The following STARD13 variants were observed in gnomAD, a reference collection of about 807,000 sequenced individuals.
The protein encoded by STARD13 is StAR related lipid transfer domain containing 13, also known as stAR-related lipid transfer protein 13.
STARD13 carries 62 observed loss-of-function variants against 106.4 expected under a neutral mutation model. That is an observed-to-expected ratio of 0.58 (90% CI 0.48 to 0.72). STARD13 has a LOEUF of 0.72. STARD13 is among the 30% of genes least tolerant of loss of function. The probability of loss-of-function intolerance (pLI) is 0.00; values close to 1 mark genes in which losing one functional copy is unlikely to be tolerated. For missense variants in STARD13, 1,387 were observed against 1,424.0 expected, an observed-to-expected ratio of 0.97 and a Z score of 0.42; for synonymous variants, 565 against 553.0, an observed-to-expected ratio of 1.02 and a Z score of -0.31.
Position 33,110,815 on chromosome 13 carries a change from C to T in STARD13, c.2700G>A (p.Glu900=). ...AAGTGTGGAAAGTTGCCCCACTCTC[C>T]TCCAGCTGTGTCCCCAATTCTTCCA... ...PTLEELGTQL[E]ESGATFHTYL... The change falls in exon 11 of 14, where the codon GAG becomes GAA. Residue 900 remains glutamate (E), a synonymous_variant. Transcript: ENST00000336934. The T allele has an allele frequency of 1.2e-6, 2 of 1,614,220 alleles. No individual in the cohort carries two copies. Among genetic ancestry groups the T allele is most frequent in the Non-Finnish European group, 1.7e-6 (2 of 1,180,036 alleles).
At chr13:33,299,569 A>G (rs1201421222) in intron 1 of STARD13, among the ~76,000 whole-genome samples, 1 of 152,214 alleles carries the variant, frequency 6.6e-6, no homozygotes, top group Non-Finnish European at 1.5e-5. Flanking sequence ...AATTTGGCCC[A>G]TAATTTCTCA....
At chr13:33,652,873 C>G in the STARD13 span, among the ~76,000 whole-genome samples, 1 of 151,756 alleles carries the variant, frequency 6.6e-6, no homozygotes, top group East Asian at 1.9e-4. Context: ...AATGATACTA[C>G]TTATATTTCT....
At chr13:33,529,166 A>T in the STARD13 span, among the ~76,000 whole-genome samples, 36 of 152,272 alleles carry the variant, frequency 2.4e-4, no homozygotes, top group African/African-American at 8.2e-4. Context: ...GGAACCAGGG[A>T]CCAAACATAA....
chr13:33,283,953 T>C (rs1026317875), intron 1 of STARD13, among the ~76,000 whole-genome samples: 3 of 152,356 alleles, frequency 2.0e-5, no homozygotes, highest in South Asian at 2.1e-4. Context: ...ATTTCTCATA[T>C]GATATGCATG....
At chr13:33,318,740 TAAG>T (rs1893437829) in intron 1 of STARD13, among the ~76,000 whole-genome samples, 2 of 151,262 alleles carry the variant, frequency 1.3e-5, no homozygotes, top group South Asian at 4.2e-4. Context: ...AAAAAAAAAG[TAAG>T]AATGGTCAGA....
At chr13:33,661,673 G>A in the STARD13 span, among the ~76,000 whole-genome samples, 6 of 152,200 alleles carry the variant, frequency 3.9e-5, no homozygotes, top group Admixed American at 1.3e-4. Flanking sequence ...ATCAGATCTC[G>A]TGAGAACTCA....
the STARD13 span, among the ~76,000 whole-genome samples, chr13:33,675,553 G>A: frequency 6.6e-6 from 1 of 152,152 alleles, no homozygotes; most frequent in Admixed American, 6.5e-5. Context: ...TATCAAGGAT[G>A]AGAAAGGATA....
At position 33,191,553 on chromosome 13, in the gene STARD13, A is replaced by T. The variant is rs370189793; in HGVS notation, c.170-23931T>A. Among the ~76,000 whole-genome samples, 18 of 152,336 alleles carry T rather than the reference A, an allele frequency of 1.2e-4. No homozygotes were observed. The East Asian group carries it at 3.5e-3, about 29-fold the overall frequency. ...CGATGTCCTGGCTATGTGATTATAG[A>T]CAAAAGCCACACCCAGGCTAACTGA... On this transcript the variant is annotated intron_variant, in intron 1 of 13. Transcript: ENST00000336934.
chr13:33,664,137 T>G, the STARD13 span, among the ~76,000 whole-genome samples: 1 of 152,160 alleles, frequency 6.6e-6, no homozygotes, highest in Non-Finnish European at 1.5e-5. Flanking sequence ...CCACTCAGGA[T>G]CTGAGGGGGA....
chr13:33,546,678 C>T, the STARD13 span, among the ~76,000 whole-genome samples: 1 of 151,166 alleles, frequency 6.6e-6, no homozygotes, highest in Non-Finnish European at 1.5e-5. Context: ...CAGTCTCACT[C>T]TGTCGCCCAG....
At chr13:33,167,649 G>A (rs763444434) in intron 1 of STARD13, 27 bp from the exon 2 acceptor site, 4 of 1,606,824 alleles carry the variant, frequency 2.5e-6, no homozygotes, top group Admixed American at 1.7e-5. Flanking sequence ...AGATAAAATT[G>A]TGAGTCCCAC....
chr13:33,193,437 G>T (rs1212040861), intron 1 of STARD13, among the ~76,000 whole-genome samples: 1 of 152,164 alleles, frequency 6.6e-6, no homozygotes, highest in Non-Finnish European at 1.5e-5. Context: ...TCACATAATA[G>T]TTTGTTGTTG....
intron 1 of STARD13, among the ~76,000 whole-genome samples, chr13:33,190,704 A>G (rs1886194784): frequency 6.6e-6 from 1 of 151,022 alleles, no homozygotes; most frequent in Non-Finnish European, 1.5e-5. Context: ...CTTCTGCCTC[A>G]GCTTCCTGAG....
At chr13:33,246,986 C>A (rs1889853220) in intron 1 of STARD13, among the ~76,000 whole-genome samples, 1 of 152,042 alleles carries the variant, frequency 6.6e-6, no homozygotes, top group South Asian at 2.1e-4. Flanking sequence ...CGCCTGAGGT[C>A]AGGAGTTCGA....
the STARD13 span, among the ~76,000 whole-genome samples, chr13:33,580,772 A>G: frequency 1.3e-5 from 2 of 152,126 alleles, no homozygotes; most frequent in African/African-American, 2.4e-5. Context: ...GCTGGCAAAC[A>G]TTTTATCTCT....
At chr13:33,526,054 G>A in the STARD13 span, among the ~76,000 whole-genome samples, 2 of 152,012 alleles carry the variant, frequency 1.3e-5, no homozygotes, top group African/African-American at 4.8e-5. Context: ...TCTTGCTTAC[G>A]ATGTTGCTTA....
chr13:33,401,947 C>G, the STARD13 span, among the ~76,000 whole-genome samples: 294 of 152,250 alleles, frequency 1.9e-3, 1 homozygote, highest in African/African-American at 6.4e-3. Context: ...TCTTTCCCAT[C>G]TTTATGACAT....
At chr13:33,279,649 G>GC (rs1250735411) in intron 1 of STARD13, 1 of 152,192 alleles carries the variant, frequency 6.6e-6, no homozygotes, top group Non-Finnish European at 1.5e-5. Context: ...GGCCACCCTG[G>GC]CCAATGTGTG....
chr13:33,148,951 C>A (rs1880906722), intron 3 of STARD13, among the ~76,000 whole-genome samples: 1 of 152,076 alleles, frequency 6.6e-6, no homozygotes, highest in South Asian at 2.1e-4. Flanking sequence ...GTGAAAGAAG[C>A]CAGTATGAGA....
Sources: allele counts gnomAD v4.1 joint callset (sites outside exome capture counted in the v4.1 genomes callset), GRCh38; gene constraint gnomAD v4.1.1; transcripts MANE v1.5; gene names NCBI Gene and HGNC (gene_info 2026-07-23, HGNC 2026-07-21).